The following ZNF589 variants were observed in gnomAD, a reference collection of about 807,000 sequenced individuals.
The protein encoded by ZNF589 is zinc finger protein 589, also known as KRAB-zinc finger protein SZF1-1.
A neutral mutation model predicts 13.6 loss-of-function variants in ZNF589; 17 were observed. That is an observed-to-expected ratio of 1.25 (90% confidence interval 0.86 to 1.88). ZNF589 has a LOEUF of 1.88. Among genes scored for constraint, ZNF589 ranks in the 40% most tolerant of loss-of-function variants. The pLI, the probability that ZNF589 is intolerant of heterozygous loss-of-function variation, is 0.00. For synonymous variants in ZNF589, 148 were observed against 161.6 expected (o/e 0.92, Z 0.64); for missense variants, 407 against 434.0 (o/e 0.94, Z 0.55).
At chr3:48,247,765 G>C in intron 2 of ZNF589, 88 bp downstream of exon 2, 1 of 1,472,532 alleles carries the variant, frequency 6.8e-7, no homozygotes, top group Non-Finnish European at 9.4e-7. Flanking sequence ...AAGGGAGGAA[G>C]TGATTAACAT....
In ZNF589 at chr3:48,269,012, G is replaced by T. The variant is rs2034058391; in HGVS notation, c.*226G>T. The T allele has an allele frequency of 1.4e-6, 1 of 726,948 alleles. No homozygotes were observed. The highest frequency in any genetic ancestry group is 2.3e-6 in the Non-Finnish European group (1 of 434,536). The allele number at this position is 726,948 out of a possible 1,614,324, so 45.0% of individuals were successfully genotyped here. ...ATCACATCGGAGAACACACTCAGGG[G>T]AGAAGCCTTATGTGTGTGGGGAATG... On this transcript the variant is annotated 3_prime_UTR_variant, in exon 4 of 4. Transcript: ENST00000354698.
chr3:48,247,593 G>A (rs2033782801), intron 1 of ZNF589, 32 bp from the exon 2 acceptor site: 1 of 1,610,990 alleles, frequency 6.2e-7, no homozygotes, highest in African/African-American at 1.3e-5. Context: ...TGGTAGGGCT[G>A]GCTTCTCAAG....
Position 48,268,510 on chromosome 3 carries a change from A to AT in ZNF589, c.819_820insT (p.Lys274Ter), listed in dbSNP as rs754968067. 7 of 1,609,096 alleles carry AT rather than the reference A, an allele frequency of 4.4e-6. No homozygotes were observed. The highest frequency in any genetic ancestry group is 5.1e-6 in the Non-Finnish European group (6 of 1,178,432). On this transcript the variant is annotated frameshift_variant, in exon 4 of 4. Transcript: ENST00000354698. LOFTEE classifies it low-confidence loss of function (END_TRUNC). ...TACACCAGAGGACACACACAGGAGA[A>AT]AAGCCTTATGTCTGCGGAGAGTGTG...
rs796267159 is a variant in ZNF589 at position 48,247,049 on chromosome 3, C to A, written c.44-576C>A. Among the ~76,000 whole-genome samples the A allele has an allele frequency of 7.2e-5, 11 of 152,244 alleles. No individual in the cohort carries two copies. In the East Asian group the frequency reaches 1.9e-3, roughly 27 times the overall value. ...GCAGTGGCGTGATCTCTGCTCACTG[C>A]AACCTTCGCCCCCTGGGTTCAAGCG... On this transcript the variant is annotated intron_variant, in intron 1 of 3. Transcript: ENST00000354698.
chr3:48,266,054 G>A (rs113383480), intron 3 of ZNF589, among the ~76,000 whole-genome samples: 1 of 151,432 alleles, frequency 6.6e-6, no homozygotes, highest in Non-Finnish European at 1.5e-5. Flanking sequence ...GACAAGACAG[G>A]GTTCAGGATG....
At chr3:48,266,715 C>T (rs1315754944) in intron 3 of ZNF589, among the ~76,000 whole-genome samples, 1 of 152,140 alleles carries the variant, frequency 6.6e-6, no homozygotes, top group Non-Finnish European at 1.5e-5. Flanking sequence ...CACTGCACTC[C>T]ATTTTTACTT....
At chr3:48,241,576 G>A (rs2033699273) in intron 1 of ZNF589, among the ~76,000 whole-genome samples, 1 of 152,236 alleles carries the variant, frequency 6.6e-6, no homozygotes, top group African/African-American at 2.4e-5. Context: ...CTGTCGCCCA[G>A]GCTGGAGTGC....
chr3:48,243,726 AG>A (rs911476685), intron 1 of ZNF589, among the ~76,000 whole-genome samples: 15 of 149,276 alleles, frequency 1.0e-4, no homozygotes, highest in African/African-American at 3.7e-4. Flanking sequence ...CAGGAGGTGG[AG>A]GTTGCAGTGA....
chr3:48,254,071 C>T (rs560777584), intron 2 of ZNF589, among the ~76,000 whole-genome samples: 1 of 152,084 alleles, frequency 6.6e-6, no homozygotes, highest in Admixed American at 6.6e-5. Flanking sequence ...GCCTGGGTGA[C>T]AGAGCGAGAC....
chr3:48,255,487 CTTTTT>C (rs1230659894), intron 2 of ZNF589, among the ~76,000 whole-genome samples: 1 of 82,786 alleles, frequency 1.2e-5, no homozygotes, highest in Non-Finnish European at 2.3e-5. Flanking sequence ...AGAGTTTTTA[CTTTTT>C]TTTTTTTTTT....
chr3:48,255,580 G>A (rs772377099), intron 2 of ZNF589, among the ~76,000 whole-genome samples: 4 of 132,270 alleles, frequency 3.0e-5, no homozygotes, highest in East Asian at 2.5e-4. Context: ...CGCAACCTCC[G>A]CCTCCCGGGT....
In ZNF589 at chr3:48,269,113, C is replaced by A; in HGVS notation, c.*327C>A. 1.5e-6 allele frequency: 1 copy of A among 682,384 alleles called. No individual in the cohort carries two copies. The highest frequency in any genetic ancestry group is 2.5e-6 in the Non-Finnish European group (1 of 399,326). 42.3% of individuals were successfully genotyped at this position (682,384 alleles called of 1,614,324 possible). A position where few individuals can be genotyped will look rare whatever the true frequency, so the allele number is the denominator to read the frequency against. On this transcript the variant is annotated 3_prime_UTR_variant, in exon 4 of 4. Transcript: ENST00000354698. The stretch of plus-strand genomic sequence containing the variant: ...ACACGGGAGAGAAGCCTTACACGTG[C>A]TTTGAGTGTGGGCGAAACTTTAGCC...
chr3:48,255,712 C>T (rs1365463849), intron 2 of ZNF589, among the ~76,000 whole-genome samples: 2 of 151,494 alleles, frequency 1.3e-5, no homozygotes, highest in East Asian at 1.9e-4. Context: ...TGGTCCCGAA[C>T]TTGTAACCTC....
At chr3:48,261,267 A>T (rs781193159) in intron 3 of ZNF589, among the ~76,000 whole-genome samples, 2 of 152,200 alleles carry the variant, frequency 1.3e-5, no homozygotes, top group African/African-American at 4.8e-5. Flanking sequence ...AAATTGCATG[A>T]TCAAGGTAGG....
At chr3:48,257,817 G>T (rs1307996344) in intron 2 of ZNF589, 2 of 306,842 alleles carry the variant, frequency 6.5e-6, no homozygotes, top group Non-Finnish European at 1.3e-5. Context: ...TTGTTGCAAA[G>T]TCTATTCTTC....
intron 1 of ZNF589, among the ~76,000 whole-genome samples, chr3:48,241,548 T>C (rs979872069): frequency 4.6e-5 from 7 of 152,258 alleles, no homozygotes; most frequent in African/African-American, 1.7e-4. Flanking sequence ...CATATTTATT[T>C]TGAGACGGAG....
chr3:48,269,777 TTGTA>T lies in ZNF589; in HGVS notation c.*992_*995del. 1 of 343,086 alleles carries T rather than the reference TTGTA, an allele frequency of 2.9e-6. No homozygotes were observed. The highest frequency in any genetic ancestry group is 5.7e-6 in the Non-Finnish European group (1 of 174,392). 21.3% of individuals were successfully genotyped at this position (343,086 alleles called of 1,614,324 possible). On this transcript the variant is annotated 3_prime_UTR_variant, in exon 4 of 4. Coordinates refer to ENST00000354698, the MANE Select transcript of ZNF589 (RefSeq NM_016089.3). The stretch of plus-strand genomic sequence containing the variant: ...GGAAATGCTTAGGGAGAAGCCTTGT[TTGTA>T]AGGTAATGTGGACAGAGCTGTACGT...
intron 2 of ZNF589, chr3:48,256,703 T>C: frequency 6.6e-7 from 1 of 1,522,492 alleles, no homozygotes; most frequent in Non-Finnish European, 9.1e-7. Context: ...GTTTTACTTG[T>C]GGTTCAGGTT....
chr3:48,250,720 C>T (rs1250981580), intron 2 of ZNF589, among the ~76,000 whole-genome samples: 6 of 152,066 alleles, frequency 3.9e-5, no homozygotes, highest in Non-Finnish European at 8.8e-5. Context: ...GATCCGCCCT[C>T]CTCGGCCTCC....
Sources: gnomAD v4.1 joint callset for allele counts (sites outside exome capture counted in the v4.1 genomes callset) on GRCh38, gnomAD v4.1.1 for gene constraint, MANE v1.5 for transcripts, NCBI Gene and HGNC (gene_info 2026-07-23, HGNC 2026-07-21) for gene names.